The following MAP4 variants were observed in gnomAD, a reference collection of about 807,000 sequenced individuals.
The protein encoded by MAP4 is microtubule-associated protein 4.
Under a neutral mutation model 170.2 loss-of-function variants are expected in MAP4, and 76 were observed. That is an observed-to-expected ratio of 0.45 (90% CI 0.37 to 0.54). The LOEUF is 0.54. Among genes scored for constraint, MAP4 ranks in the 20% least tolerant of loss-of-function variants. The pLI, the probability that MAP4 is intolerant of heterozygous loss-of-function variation, is 0.00. For synonymous variants in MAP4, 909 were observed against 994.5 expected (o/e 0.91, Z 1.62); for missense variants, 2,506 against 2,748.0 (o/e 0.91, Z 1.97).
chr3:47,861,597 T>C (rs2066080381), intron 17 of MAP4, among the ~76,000 whole-genome samples: 1 of 151,424 alleles, frequency 6.6e-6, no homozygotes, highest in South Asian at 2.1e-4. Flanking sequence ...GTGACCCACC[T>C]GCCTCAGCCT....
chr3:47,852,975 C>T (rs1243134875), intron 20 of MAP4, 37 bp from the exon 21 acceptor site: 5 of 1,613,906 alleles, frequency 3.1e-6, no homozygotes, highest in Non-Finnish European at 4.2e-6. Flanking sequence ...GAGAGGGGAA[C>T]AGGGGAGACA....
At chr3:48,038,273 G>A (rs936573268) in intron 1 of MAP4, among the ~76,000 whole-genome samples, 1 of 151,514 alleles carries the variant, frequency 6.6e-6, no homozygotes, top group Non-Finnish European at 1.5e-5. Context: ...GCAAAAGAAC[G>A]TATGAAAGAG....
intron 1 of MAP4, among the ~76,000 whole-genome samples, chr3:48,004,428 GA>G (rs1313676053): frequency 6.6e-6 from 1 of 152,208 alleles, no homozygotes; most frequent in African/African-American, 2.4e-5. Context: ...CGAACATAAT[GA>G]AGCTGGTTGG....
chr3:48,048,939 C>A (rs2100126057), intron 1 of MAP4, among the ~76,000 whole-genome samples: 1 of 152,294 alleles, frequency 6.6e-6, no homozygotes, highest in African/African-American at 2.4e-5. Context: ...CTACTACCCC[C>A]CTGTCCCCTG....
chr3:48,086,132 G>A (rs1343929338), intron 1 of MAP4, among the ~76,000 whole-genome samples: 1 of 150,512 alleles, frequency 6.6e-6, no homozygotes, highest in Non-Finnish European at 1.5e-5. Context: ...ATGTATGTGT[G>A]TGCACGTATA....
At chr3:47,919,697 T>C (rs985720334) in intron 5 of MAP4, among the ~76,000 whole-genome samples, 2 of 152,202 alleles carry the variant, frequency 1.3e-5, no homozygotes, top group Admixed American at 6.5e-5. Context: ...ATCCCAGTAG[T>C]GCCATTAATC....
chr3:47,871,117 G>A lies in MAP4; in HGVS notation c.6002-12C>T. The A allele has an allele frequency of 1.2e-6, 2 of 1,607,258 alleles. No homozygotes were observed. Among genetic ancestry groups the A allele is most frequent in the Non-Finnish European group, 1.7e-6 (2 of 1,174,752 alleles). On this transcript the variant is annotated splice_polypyrimidine_tract_variant and intron_variant, in intron 14 of 20. Transcript: ENST00000683076. ...GCGACTCAAGTCAGCTGCAAAGAAG[G>A]GAGTGAGAGATAACACGGGTTCAGG... is the stretch of plus-strand genomic sequence containing the variant.
chr3:47,885,021 G>A (rs546261738), intron 10 of MAP4, among the ~76,000 whole-genome samples: 3 of 152,302 alleles, frequency 2.0e-5, no homozygotes, highest in African/African-American at 4.8e-5. Flanking sequence ...GTACCTGCAG[G>A]CAGACTGAGC....
chr3:48,083,979 C>T (rs1359753061), intron 1 of MAP4, among the ~76,000 whole-genome samples: 1 of 152,010 alleles, frequency 6.6e-6, no homozygotes, highest in African/African-American at 2.4e-5. Flanking sequence ...CCTGCCTCGG[C>T]CTCCCAAAGT....
At chr3:48,034,675 C>T (rs949310020) in intron 1 of MAP4, among the ~76,000 whole-genome samples, 4 of 151,732 alleles carry the variant, frequency 2.6e-5, no homozygotes, top group African/African-American at 9.7e-5. Context: ...CACACTCCAC[C>T]CTGGGCGACA....
At chr3:47,930,175 G>A (rs936532123) in intron 3 of MAP4, among the ~76,000 whole-genome samples, 39 of 152,166 alleles carry the variant, frequency 2.6e-4, no homozygotes, top group East Asian at 2.3e-3. Flanking sequence ...GCCGGGCGCG[G>A]TGGCTCACGC....
At chr3:48,022,824 G>C (rs1006438303) in intron 1 of MAP4, among the ~76,000 whole-genome samples, 2 of 152,158 alleles carry the variant, frequency 1.3e-5, no homozygotes, top group Admixed American at 6.5e-5. Context: ...CCGGGAGGCA[G>C]AGGTTGCAGT....
intron 3 of MAP4, among the ~76,000 whole-genome samples, chr3:47,966,587 C>CCTAG: frequency 6.6e-6 from 1 of 151,920 alleles, no homozygotes; most frequent in East Asian, 1.9e-4. Context: ...TCCTATAGTG[C>CCTAG]CTAGGCTGGT....
chr3:48,083,638 T>C (rs2100147684), intron 1 of MAP4, among the ~76,000 whole-genome samples: 1 of 151,920 alleles, frequency 6.6e-6, no homozygotes, highest in Admixed American at 6.6e-5. Flanking sequence ...GTGCTGGGAT[T>C]ACAGGCATGA....
At chr3:47,952,456 G>A (rs1477774435) in intron 3 of MAP4, among the ~76,000 whole-genome samples, 2 of 152,116 alleles carry the variant, frequency 1.3e-5, no homozygotes, top group African/African-American at 2.4e-5. Flanking sequence ...AGGGGGAAAG[G>A]TGGGGAAAAG....
rs188811789 is a variant in MAP4, at chr3:47,905,551, A to C, written c.5384-2551T>G. Among the ~76,000 whole-genome samples the C allele has an allele frequency of 7.6e-3, 1,148 of 152,020 alleles. 19 individuals are homozygous for C. The highest frequency in any genetic ancestry group is 0.026 in the African/African-American group (1,080 of 41,536). On this transcript the variant is annotated intron_variant, in intron 9 of 20. Transcript: ENST00000683076. ...ACCAAAACAACAACAACAACAAAAA[A>C]AAAAAACCCCACAAACAAGCAAATT...
chr3:47,933,778 T>C (rs1474921376), intron 3 of MAP4, among the ~76,000 whole-genome samples: 2 of 152,038 alleles, frequency 1.3e-5, no homozygotes, highest in Non-Finnish European at 2.9e-5. Flanking sequence ...TTTTTTGTAT[T>C]TTTAGTAGAG....
At chr3:47,876,132 CTTTCTTT>C (rs1318332947) in intron 11 of MAP4, among the ~76,000 whole-genome samples, 35 of 140,586 alleles carry the variant, frequency 2.5e-4, no homozygotes, top group East Asian at 4.1e-4. Flanking sequence ...TTTTCTTTTT[CTTTCTTT>C]TTTTTTTTTT....
At chr3:47,872,748 T>TAC (rs369522657) in intron 12 of MAP4, among the ~76,000 whole-genome samples, 29 of 151,766 alleles carry the variant, frequency 1.9e-4, no homozygotes, top group Non-Finnish European at 2.5e-4. Flanking sequence ...ATATATATCA[T>TAC]ACACACACAC....
Sources: gnomAD v4.1 joint callset for allele counts (sites outside exome capture counted in the v4.1 genomes callset) on GRCh38, gnomAD v4.1.1 for gene constraint, MANE v1.5 for transcripts, NCBI Gene and HGNC (gene_info 2026-07-23, HGNC 2026-07-21) for gene names.